Variants in SLC7A1 observed in about 807,000 individuals in gnomAD.
The protein encoded by SLC7A1 is solute carrier family 7 member 1, also known as high affinity cationic amino acid transporter 1.
In SLC7A1, 10 loss-of-function variants were observed where a neutral mutation model predicts 53.9. That is an observed-to-expected ratio of 0.19 (90% CI 0.11 to 0.31). The LOEUF is 0.31. Among genes scored for constraint, SLC7A1 ranks in the 10% least tolerant of loss-of-function variants. The pLI is 1.00. For synonymous variants in SLC7A1, 342 were observed against 338.7 expected (o/e 1.01, Z -0.11); for missense variants, 525 against 827.2 (o/e 0.63, Z 4.48).
intron 1 of SLC7A1, among the ~76,000 whole-genome samples, chr13:29,583,751 T>A (rs1035586010): frequency 3.3e-5 from 5 of 152,200 alleles, no homozygotes; most frequent in Admixed American, 2.0e-4. Flanking sequence ...GATCTGATAA[T>A]TTTCTAAAAT....
At chr13:29,517,365 A>G (rs563111528) in intron 10 of SLC7A1, 55 bp from the exon 11 acceptor site, 1 of 1,539,216 alleles carries the variant, frequency 6.5e-7, no homozygotes, top group African/African-American at 1.4e-5. Flanking sequence ...CCAATTTCCC[A>G]CAGGCATCCA....
At chr13:29,537,939 G>C (rs562127221) in intron 2 of SLC7A1, among the ~76,000 whole-genome samples, 12 of 152,264 alleles carry the variant, frequency 7.9e-5, no homozygotes, top group Admixed American at 2.0e-4. Flanking sequence ...CTCAGCTGCC[G>C]GGCGGGCGCA....
intron 8 of SLC7A1, among the ~76,000 whole-genome samples, chr13:29,519,901 A>G (rs981931767): frequency 3.3e-5 from 5 of 152,178 alleles, no homozygotes; most frequent in African/African-American, 1.2e-4. Flanking sequence ...GTTCACAAGC[A>G]TAGGGTATAA....
At chr13:29,528,397 T>G (rs1191911657) in intron 5 of SLC7A1, among the ~76,000 whole-genome samples, 4 of 152,158 alleles carry the variant, frequency 2.6e-5, no homozygotes, top group Non-Finnish European at 5.9e-5. Flanking sequence ...AACACTCCTC[T>G]TCACAGACCA....
intron 1 of SLC7A1, among the ~76,000 whole-genome samples, chr13:29,576,292 T>TAAAAAAAAAA (rs146432104): frequency 2.1e-4 from 23 of 107,160 alleles, no homozygotes; most frequent in African/African-American, 1.0e-3. Flanking sequence ...ATCCTGTTTT[T>TAAAAAAAAAA]TAAAAAAAAA....
chr13:29,537,796 A>G (rs1571786), intron 2 of SLC7A1, among the ~76,000 whole-genome samples: 75,175 of 152,130 alleles, frequency 0.49, 20,793 homozygotes, highest in Non-Finnish European at 0.64. Context: ...AAAATCACCA[A>G]TCGTTCATGT....
At chr13:29,514,793 CCCTACGTT>C (rs1294627547) in intron 12 of SLC7A1, among the ~76,000 whole-genome samples, 1 of 152,230 alleles carries the variant, frequency 6.6e-6, no homozygotes, top group Non-Finnish European at 1.5e-5. Context: ...TCTGGCAAAG[CCCTACGTT>C]CCTCTGGACG....
chr13:29,571,759 A>G (rs1396901200), intron 1 of SLC7A1, among the ~76,000 whole-genome samples: 3 of 152,202 alleles, frequency 2.0e-5, no homozygotes, highest in African/African-American at 7.2e-5. Flanking sequence ...AGGTCTGGAC[A>G]CTCACAAAGC....
intron 1 of SLC7A1, among the ~76,000 whole-genome samples, chr13:29,560,327 G>A (rs1339427636): frequency 6.6e-6 from 1 of 151,818 alleles, no homozygotes; most frequent in East Asian, 1.9e-4. Context: ...GCCTTCTTCT[G>A]AAATACTTCC....
chr13:29,529,137 G>A (rs1457056881), intron 5 of SLC7A1, among the ~76,000 whole-genome samples: 2 of 152,124 alleles, frequency 1.3e-5, no homozygotes, highest in African/African-American at 4.8e-5. Flanking sequence ...TGAAATGCTC[G>A]GGATGACATA....
At chr13:29,587,533 A>T (rs1871934641) in intron 1 of SLC7A1, among the ~76,000 whole-genome samples, 1 of 152,168 alleles carries the variant, frequency 6.6e-6, no homozygotes, top group Non-Finnish European at 1.5e-5. Context: ...AGCACCCAAG[A>T]GCTCACTGAT....
chr13:29,540,184 T>A (rs757246188), intron 2 of SLC7A1, among the ~76,000 whole-genome samples: 1 of 152,188 alleles, frequency 6.6e-6, no homozygotes, highest in Non-Finnish European at 1.5e-5. Context: ...CTTCCTGCTG[T>A]TGGGGTTTAC....
chr13:29,594,588 T>C (rs941017782), intron 1 of SLC7A1, among the ~76,000 whole-genome samples: 15 of 152,188 alleles, frequency 9.9e-5, no homozygotes, highest in Admixed American at 9.2e-4. Context: ...CCTGGGAAGT[T>C]TTCTACTACG....
intron 6 of SLC7A1, 47 bp from the exon 7 acceptor site, chr13:29,523,535 G>A: frequency 7.0e-7 from 1 of 1,421,056 alleles, no homozygotes; most frequent in Non-Finnish European, 9.9e-7. Flanking sequence ...GCAAGAGGCA[G>A]TGTATCTGCC....
chr13:29,568,409 C>T (rs1053455799), intron 1 of SLC7A1, among the ~76,000 whole-genome samples: 1 of 152,240 alleles, frequency 6.6e-6, no homozygotes, highest in African/African-American at 2.4e-5. Context: ...CTCACATCCA[C>T]CACTCAGCCT....
intron 12 of SLC7A1, among the ~76,000 whole-genome samples, chr13:29,515,333 CAGAA>C (rs1167687683): frequency 6.6e-6 from 1 of 152,240 alleles, no homozygotes; most frequent in African/African-American, 2.4e-5. Context: ...AGCTTTTTCT[CAGAA>C]AGGCTCTAGG....
chr13:29,546,747 T>C (rs1869938647), intron 2 of SLC7A1, among the ~76,000 whole-genome samples: 1 of 151,936 alleles, frequency 6.6e-6, no homozygotes, highest in South Asian at 2.1e-4. Context: ...TCCTAGAAAA[T>C]TCACTGGTTC....
At chr13:29,552,695 T>C (rs1016302228) in intron 2 of SLC7A1, among the ~76,000 whole-genome samples, 1 of 152,230 alleles carries the variant, frequency 6.6e-6, no homozygotes, top group Non-Finnish European at 1.5e-5. Flanking sequence ...TCCCTTTGTT[T>C]CCCGTAAGGA....
intron 1 of SLC7A1, among the ~76,000 whole-genome samples, chr13:29,577,955 C>G (rs1871478791): frequency 6.6e-6 from 1 of 152,158 alleles, no homozygotes; most frequent in Non-Finnish European, 1.5e-5. Context: ...AGTTTGTCAC[C>G]AGCTGTGGAA....
Sources: gnomAD v4.1 joint callset for allele counts (sites outside exome capture counted in the v4.1 genomes callset) on GRCh38, gnomAD v4.1.1 for gene constraint, MANE v1.5 for transcripts, NCBI Gene and HGNC (gene_info 2026-07-23, HGNC 2026-07-21) for gene names.